Variants in ANKRD30A observed in about 807,000 individuals in gnomAD.
The protein encoded by ANKRD30A is ankyrin repeat domain-containing protein 30A.
A neutral mutation model predicts 166.3 loss-of-function variants in ANKRD30A; 170 were observed. That is an observed-to-expected ratio of 1.02 (90% confidence interval 0.90 to 1.16). ANKRD30A has a LOEUF of 1.16. ANKRD30A is among the 50% of genes most tolerant of loss of function. The pLI is 0.00. For synonymous variants in ANKRD30A, 564 were observed against 508.9 expected (o/e 1.11, Z -1.46); for missense variants, 1,630 against 1,518.0 (o/e 1.07, Z -1.23).
the ANKRD30A span, among the ~76,000 whole-genome samples, chr10:37,243,551 A>G: frequency 1.3e-5 from 2 of 152,144 alleles, no homozygotes; most frequent in African/African-American, 4.8e-5. Context: ...TGTCTCTGAC[A>G]GTAACCTGTC....
chr10:37,199,772 A>G lies in ANKRD30A; in HGVS notation c.2762A>G (p.Asn921Ser), dbSNP rs1394772808. The G allele has an allele frequency of 3.2e-6, 5 of 1,571,884 alleles. No homozygotes were observed. The highest frequency in any genetic ancestry group is 2.3e-5 in the East Asian group (1 of 44,304). ...SESKQKKVEE[N>S]SWDSESLRET... ...TCAAAACAAAAGAAGGTTGAAGAAA[A>G]TTCTTGGGATTCTGAGGTACTATGT... The change falls in exon 30 of 36, where the codon AAT becomes AGT. Residue 921 changes from asparagine (N) to serine (S), a missense_variant. Coordinates refer to ENST00000361713, the MANE Select transcript of ANKRD30A (RefSeq NM_052997.3).
chr10:37,125,966 G>C lies in ANKRD30A; in HGVS notation c.179G>C (p.Arg60Thr), dbSNP rs774400842. 5.6e-6 allele frequency: 9 copies of C among 1,612,022 alleles called. 1 individual carries two copies. The African/African-American group carries it at 9.3e-5, about 17-fold the overall frequency. Residue 60 changes from arginine (R) to threonine (T), a missense_variant, in exon 1 of 36, where the codon AGG becomes ACG. Physicochemically the swap from Arg to Thr is moderately conservative, Grantham distance 71 (BLOSUM62 -1). Transcript: ENST00000361713. Reference protein sequence around the residue: ...QVRKLEKMTKRKKTINLNIQD... With the variant: ...QVRKLEKMTKTKKTINLNIQD... ...CGGAAGCTGGAGAAGATGACAAAGA[G>C]GAAGAAGACCATCAACCTTAATATA...
intron 1 of ANKRD30A, among the ~76,000 whole-genome samples, chr10:37,129,167 C>T (rs1836231222): frequency 6.6e-6 from 1 of 152,068 alleles, no homozygotes; most frequent in East Asian, 1.9e-4. Flanking sequence ...CTAGGACTGC[C>T]TCGTCCTGTT....
At chr10:37,199,083 A>T (rs1841400648) in intron 29 of ANKRD30A, among the ~76,000 whole-genome samples, 1 of 152,048 alleles carries the variant, frequency 6.6e-6, no homozygotes, top group African/African-American at 2.4e-5. Context: ...CTCTGAAGGC[A>T]TTGTTGCATT....
chr10:37,177,087 CTT>C (rs1247142528), intron 24 of ANKRD30A, among the ~76,000 whole-genome samples: 1 of 137,728 alleles, frequency 7.3e-6, no homozygotes, highest in South Asian at 2.9e-4. Flanking sequence ...TATTCAAACA[CTT>C]TTTCTATCAC....
At chr10:37,177,971 C>G (rs373392175) in intron 24 of ANKRD30A, among the ~76,000 whole-genome samples, 3 of 149,870 alleles carry the variant, frequency 2.0e-5, no homozygotes, top group East Asian at 2.0e-4. Flanking sequence ...AGTTTAAATT[C>G]AAGATATTCC....
the ANKRD30A span, among the ~76,000 whole-genome samples, chr10:37,258,872 A>G: frequency 6.8e-6 from 1 of 146,586 alleles, no homozygotes; most frequent in Admixed American, 6.9e-5. Flanking sequence ...CTGAGGCAGG[A>G]GAATTGCTTG....
At chr10:37,165,243 C>A (rs1839224225) in intron 18 of ANKRD30A, 88 bp downstream of exon 18, 2 of 1,221,044 alleles carry the variant, frequency 1.6e-6, no homozygotes, top group African/African-American at 3.0e-5. Flanking sequence ...TTTCTCACCT[C>A]TGCATGTGTC....
chr10:37,211,518 T>C (rs942999308), intron 31 of ANKRD30A, among the ~76,000 whole-genome samples: 1 of 152,184 alleles, frequency 6.6e-6, no homozygotes, highest in Non-Finnish European at 1.5e-5. Context: ...CACATTTTCT[T>C]AATCCAGTCT....
At chr10:37,193,296 A>T in intron 27 of ANKRD30A, 38 bp downstream of exon 27, 1 of 1,575,556 alleles carries the variant, frequency 6.3e-7, no homozygotes, top group East Asian at 2.3e-5. Flanking sequence ...TGGAAAGAAG[A>T]ATATTAAAAT....
the ANKRD30A span, chr10:37,240,816 T>A: frequency 1.3e-5 from 2 of 152,178 alleles, no homozygotes; most frequent in Non-Finnish European, 2.9e-5. Context: ...TGTCATGATA[T>A]CTATTACTTT....
intron 5 of ANKRD30A, among the ~76,000 whole-genome samples, chr10:37,135,858 A>T (rs963892264): frequency 2.0e-5 from 3 of 152,250 alleles, no homozygotes; most frequent in African/African-American, 7.2e-5. Flanking sequence ...CTTGAATTAC[A>T]TGCCACAAAG....
Position 37,162,790 on chromosome 10 carries a change from G to T in ANKRD30A, c.1944G>T (p.Met648Ile). ...KPSAFEPATEMQKSVPNKALE... is the reference protein window; with the variant it reads ...KPSAFEPATEIQKSVPNKALE... ...ACCCCATTTAGCCTGCCACTGAAAT[G>T]CAAAAGTCTGTCCCAAATAAAGCCT... The change falls in exon 17 of 36, where the codon ATG (methionine) becomes ATT (isoleucine). Residue 648 changes from methionine (M) to isoleucine (I), a missense_variant. Physicochemically the swap from Met to Ile is conservative, Grantham distance 10. This residue lies in a region of ANKRD30A where 904 missense variants were observed against 818.5 expected (regional missense o/e 1.10). Coordinates refer to ENST00000361713, the MANE Select transcript of ANKRD30A (RefSeq NM_052997.3). The T allele has an allele frequency of 1.2e-6, 2 of 1,613,710 alleles. No individual in the cohort carries two copies. The highest frequency in any genetic ancestry group is 2.2e-5 in the South Asian group (2 of 91,062).
chr10:37,138,297 T>C lies in ANKRD30A; in HGVS notation c.820+1626T>C, dbSNP rs1384728578. On this transcript the variant is annotated intron_variant, in intron 6 of 35. Coordinates refer to ENST00000361713, the MANE Select transcript of ANKRD30A (RefSeq NM_052997.3). ...TGGGGAAAAAACAGAGCAGAAAAAC[T>C]GGAAACTCTAAAAATCAGAGGGCCT... is the stretch of plus-strand genomic sequence containing the variant. 2.0e-5 allele frequency among the ~76,000 whole-genome samples: 3 copies of C among 151,976 alleles called. No individual in the cohort carries two copies. In the East Asian group the frequency reaches 5.8e-4, roughly 30 times the overall value.
rs34285151 is a variant in ANKRD30A, at chr10:37,216,171, C to A, written c.2870-10C>A. On this transcript the variant is annotated splice_polypyrimidine_tract_variant and intron_variant, in intron 31 of 35. Coordinates refer to ENST00000361713, the MANE Select transcript of ANKRD30A (RefSeq NM_052997.3). ...TAATATATTTTATTTGTATCTCCTC[C>A]TTGAGACAGATTCAACTAGCCTATC... The A allele has an allele frequency of 0.23, 356,708 of 1,564,400 alleles. 43,316 individuals carry two copies. The highest frequency in any genetic ancestry group is 0.38 in the African/African-American group (27,790 of 72,608).
intron 1 of ANKRD30A, among the ~76,000 whole-genome samples, chr10:37,127,984 G>A (rs980191290): frequency 6.6e-6 from 1 of 152,030 alleles, no homozygotes; most frequent in African/African-American, 2.4e-5. Context: ...GTATTAAAAA[G>A]AATCCATTTA....
In ANKRD30A at chr10:37,125,768, T is replaced by G; in HGVS notation, c.-20T>G. 1 of 622,366 alleles carries G rather than the reference T, an allele frequency of 1.6e-6. No homozygotes were observed. Among genetic ancestry groups the G allele is most frequent in the Non-Finnish European group, 2.9e-6 (1 of 347,180 alleles). 38.6% of individuals were successfully genotyped at this position (622,366 alleles called of 1,614,324 possible). On this transcript the variant is annotated 5_prime_UTR_variant, in exon 1 of 36. Transcript: ENST00000361713. Reference sequence around the variant, plus strand: ...GGGCGATCGGGAGGCGCGGGCACTCTCTAGCAGGTGGCCGCAGCCATGGAG... The same window carrying G: ...GGGCGATCGGGAGGCGCGGGCACTCGCTAGCAGGTGGCCGCAGCCATGGAG...
intron 25 of ANKRD30A, among the ~76,000 whole-genome samples, chr10:37,190,983 G>A (rs1196664574): frequency 2.6e-5 from 4 of 151,736 alleles, no homozygotes; most frequent in East Asian, 1.9e-4. Flanking sequence ...CATGCTACAC[G>A]AAACCAGACT....
chr10:37,224,125 A>G (rs1043665588), intron 34 of ANKRD30A, among the ~76,000 whole-genome samples: 1 of 151,328 alleles, frequency 6.6e-6, no homozygotes, highest in Non-Finnish European at 1.5e-5. Context: ...TTATTCTTTA[A>G]TGATTTTGAA....
Sources: allele counts gnomAD v4.1 joint callset (sites outside exome capture counted in the v4.1 genomes callset), GRCh38; gene constraint gnomAD v4.1.1; regional missense constraint gnomAD v4.1.1; transcripts MANE v1.5; gene names NCBI Gene and HGNC (gene_info 2026-07-23, HGNC 2026-07-21).